Variants in MALRD1 observed in about 807,000 individuals in gnomAD.
MALRD1 encodes the protein MAM and LDL receptor class A domain containing 1.
In MALRD1, 247 loss-of-function variants were observed where a neutral mutation model predicts 242.1. The ratio of observed to expected loss-of-function variants is 1.02; its 90% CI spans 0.92 to 1.13. The LOEUF (loss-of-function observed/expected upper bound fraction) is 1.13. Ranked by LOEUF, MALRD1 falls within the 50% of genes most tolerant of loss-of-function variation. The probability of loss-of-function intolerance (pLI) is 0.00; values close to 1 mark genes in which losing one functional copy is unlikely to be tolerated. For synonymous variants in MALRD1, 995 were observed against 866.6 expected (o/e 1.15, Z -2.60); for missense variants, 2,989 against 2,533.1 (o/e 1.18, Z -3.86).
chr10:19,140,526 GGTGTGTGTGTGTGTGTAT>G (rs1833499516), intron 10 of MALRD1, among the ~76,000 whole-genome samples: 2 of 111,504 alleles, frequency 1.8e-5, no homozygotes, highest in African/African-American at 3.2e-5. Context: ...AAACAAGTGG[GGTGTGTGTGTGTGTGTAT>G]GTGTGTGTGT....
chr10:19,088,236 G>C (rs953577571), intron 4 of MALRD1, 51 bp downstream of exon 4: 7 of 1,217,498 alleles, frequency 5.7e-6, no homozygotes, highest in South Asian at 8.4e-5. Flanking sequence ...ATAAGATACA[G>C]ATCTTTAACA....
chr10:19,607,598 A>C (rs780103528), intron 34 of MALRD1, among the ~76,000 whole-genome samples, 179 bp from the exon 35 acceptor site: 27 of 152,274 alleles, frequency 1.8e-4, no homozygotes, highest in Admixed American at 4.6e-4. Context: ...TTTCTTTCAG[A>C]CATTTTTAAG....
At chr10:19,471,029 G>A (rs906120199) in intron 29 of MALRD1, among the ~76,000 whole-genome samples, 7 of 151,846 alleles carry the variant, frequency 4.6e-5, no homozygotes, top group Non-Finnish European at 7.4e-5. Flanking sequence ...CAATGTCAAG[G>A]AAATTTTCCC....
chr10:19,236,423 CT>C (rs1460124716), intron 18 of MALRD1, among the ~76,000 whole-genome samples: 1 of 152,116 alleles, frequency 6.6e-6, no homozygotes, highest in East Asian at 1.9e-4. Context: ...AAATAAAGCC[CT>C]TTCCTCCTCC....
At chr10:19,257,915 G>T (rs1025758254) in intron 19 of MALRD1, 144 bp downstream of exon 19, 2 of 522,636 alleles carry the variant, frequency 3.8e-6, no homozygotes, top group Non-Finnish European at 6.5e-6. Context: ...CTCTGGAAAA[G>T]ATTTTTTTAG....
Position 19,124,774 on chromosome 10 carries a change from A to G in MALRD1, c.943+104A>G, listed in dbSNP as rs1024980345. On this transcript the variant is annotated intron_variant, in intron 7 of 39. Coordinates refer to ENST00000454679, the MANE Select transcript of MALRD1 (RefSeq NM_001142308.3). ...GGAGGCCTTGGTGAATATACTGAGTATATTTTATTGAAAATACATTCTGCC... is the reference window on the plus strand; with the variant it reads ...GGAGGCCTTGGTGAATATACTGAGTGTATTTTATTGAAAATACATTCTGCC... 63 of 933,340 alleles carry G rather than the reference A, an allele frequency of 6.7e-5. No individual in the cohort carries two copies. In the African/African-American group the frequency reaches 8.9e-4, roughly 13 times the overall value. 57.8% of individuals were successfully genotyped at this position (933,340 alleles called of 1,614,324 possible).
chr10:19,274,811 G>A (rs889812273), intron 19 of MALRD1, among the ~76,000 whole-genome samples: 2 of 152,112 alleles, frequency 1.3e-5, no homozygotes, highest in African/African-American at 2.4e-5. Context: ...GGTGCTTGCC[G>A]AGAGCTGGGG....
chr10:19,099,237 A>AC (rs1836159862), intron 4 of MALRD1, among the ~76,000 whole-genome samples: 1 of 152,078 alleles, frequency 6.6e-6, no homozygotes, highest in South Asian at 2.1e-4. Flanking sequence ...GCTATTTGTT[A>AC]TAAAAAGTAA....
chr10:19,615,941 A>G lies in MALRD1; in HGVS notation c.6137+18A>G, dbSNP rs941132887. 167 of 1,459,672 alleles carry G rather than the reference A, an allele frequency of 1.1e-4. No homozygotes were observed. Among genetic ancestry groups the G allele is most frequent in the Non-Finnish European group, 1.5e-4 (163 of 1,096,532 alleles). The allele number at this position is 1,459,672 out of a possible 1,614,324, so 90.4% of individuals were successfully genotyped here. A position where few individuals can be genotyped will look rare whatever the true frequency, so the allele number is the denominator to read the frequency against. ...ATGTGTCGGTAAGAAGCATTGTTTA[A>G]TTTTTTTTTTTAAGATTTTTTGGAG... On this transcript the variant is annotated intron_variant, in intron 36 of 39. Coordinates refer to ENST00000454679, the MANE Select transcript of MALRD1 (RefSeq NM_001142308.3).
intron 28 of MALRD1, among the ~76,000 whole-genome samples, chr10:19,437,816 G>C (rs2130970310): frequency 6.6e-6 from 1 of 152,214 alleles, no homozygotes; most frequent in East Asian, 1.9e-4. Context: ...ACTTATTTCA[G>C]ATCACATATT....
rs540638876 is a variant in MALRD1, at chr10:19,551,570, G to C, written c.5479-15932G>C. On this transcript the variant is annotated intron_variant, in intron 32 of 39. Transcript: ENST00000454679. ...GCAAAGAGGGGTAATTTAACTTTCT[G>C]TCTTCCTTTTTGGAAGCCCTTTATT... is the stretch of plus-strand genomic sequence containing the variant. 7.2e-5 allele frequency among the ~76,000 whole-genome samples: 11 copies of C among 152,216 alleles called. No homozygotes were observed. In the South Asian group the frequency reaches 1.2e-3, roughly 17 times the overall value.
At chr10:19,311,884 C>T (rs1842441889) in intron 21 of MALRD1, among the ~76,000 whole-genome samples, 1 of 151,460 alleles carries the variant, frequency 6.6e-6, no homozygotes, top group Non-Finnish European at 1.5e-5. Flanking sequence ...ATTTTGTACT[C>T]ATGTTATTAT....
chr10:19,299,362 G>C (rs923972950), intron 21 of MALRD1, among the ~76,000 whole-genome samples: 3 of 151,816 alleles, frequency 2.0e-5, no homozygotes, highest in Non-Finnish European at 2.9e-5. Context: ...AAACAATAGG[G>C]AGCAAGTGTT....
At chr10:19,647,961 A>T (rs74837136) in intron 36 of MALRD1, among the ~76,000 whole-genome samples, 7,561 of 152,188 alleles carry the variant, frequency 0.05, 236 homozygotes, top group Middle Eastern at 0.095. Flanking sequence ...CTGCCTGGGG[A>T]TAATTTCCCA....
intron 24 of MALRD1, among the ~76,000 whole-genome samples, chr10:19,331,973 G>C (rs7086084): frequency 0.76 from 116,108 of 151,928 alleles, 44,813 homozygotes; most frequent in African/African-American, 0.86. Context: ...TCAAGTGATT[G>C]TCCTGCCTCA....
In MALRD1 at chr10:19,524,954, A is replaced by T. The variant is rs143728594; in HGVS notation, c.5321-6240A>T. Among the ~76,000 whole-genome samples, 240 of 152,020 alleles carry T rather than the reference A, an allele frequency of 1.6e-3. 1 individual carries two copies. Among genetic ancestry groups the T allele is most frequent in the African/African-American group, 5.5e-3 (228 of 41,454 alleles). On this transcript the variant is annotated intron_variant, in intron 31 of 39. Coordinates refer to ENST00000454679, the MANE Select transcript of MALRD1 (RefSeq NM_001142308.3). ...GTTTTGCTCTTGTTATCCAGGCTGA[A>T]GTGCAATGGCATAATCTCGGCTTAC...
chr10:19,673,105 G>A (rs550505323), intron 36 of MALRD1, among the ~76,000 whole-genome samples: 49 of 152,086 alleles, frequency 3.2e-4, no homozygotes, highest in Middle Eastern at 3.4e-3. Flanking sequence ...GCCTTTGGTC[G>A]GGCGCAGTGG....
chr10:19,077,030 C>G (rs1034960923), intron 2 of MALRD1, among the ~76,000 whole-genome samples: 7 of 151,676 alleles, frequency 4.6e-5, no homozygotes, highest in African/African-American at 1.5e-4. Flanking sequence ...AAAGTTATTC[C>G]TAAGTCTTTT....
chr10:19,480,369 C>G (rs1240992247), intron 29 of MALRD1, among the ~76,000 whole-genome samples: 1 of 152,110 alleles, frequency 6.6e-6, no homozygotes, highest in Non-Finnish European at 1.5e-5. Context: ...TCAAGTGGGA[C>G]TACCAAGGAA....
Sources: allele counts gnomAD v4.1 joint callset (sites outside exome capture counted in the v4.1 genomes callset), GRCh38; gene constraint gnomAD v4.1.1; transcripts MANE v1.5; gene names NCBI Gene and HGNC (gene_info 2026-07-23, HGNC 2026-07-21).